The following SMG1 variants were observed in gnomAD, a reference collection of about 807,000 sequenced individuals.
SMG1 encodes the protein SMG1 nonsense mediated mRNA decay associated PI3K related kinase, also known as serine/threonine-protein kinase SMG1.
Under a neutral mutation model 419.9 loss-of-function variants are expected in SMG1, and 22 were observed. That is an observed-to-expected ratio of 0.05 (90% CI 0.04 to 0.07). The LOEUF (loss-of-function observed/expected upper bound fraction) is 0.07, where lower values mean the gene tolerates loss of function less well. Among genes scored for constraint, SMG1 ranks in the 10% least tolerant of loss-of-function variants. The pLI, the probability that SMG1 is intolerant of heterozygous loss-of-function variation, is 1.00. For missense variants in SMG1, 3,185 were observed against 4,342.0 expected, an observed-to-expected ratio of 0.73 and a Z score of 7.49; for synonymous variants, 1,538 against 1,553.5, an observed-to-expected ratio of 0.99 and a Z score of 0.23.
intron 54 of SMG1, 121 bp downstream of exon 54, chr16:18,829,165 T>G (rs895867902): frequency 2.7e-6 from 2 of 749,518 alleles, no homozygotes; most frequent in Non-Finnish European, 4.2e-6. Context: ...TGTGTTTGCA[T>G]TGGGTTGCTG....
At chr16:18,889,612 A>C (rs1166304179) in intron 5 of SMG1, 27 bp from the exon 6 acceptor site, 2 of 529,846 alleles carry the variant, frequency 3.8e-6, no homozygotes, top group South Asian at 2.0e-5. Flanking sequence ...GCAAACAAAA[A>C]ACACACACAA....
In SMG1 at chr16:18,853,769, G is replaced by C. The variant is rs755899652; in HGVS notation, c.4582C>G (p.Leu1528Val). 4 of 1,613,794 alleles carry C rather than the reference G, an allele frequency of 2.5e-6. No individual in the cohort carries two copies. The highest frequency in any genetic ancestry group is 2.7e-5 in the African/African-American group (2 of 74,930). The change falls in exon 31 of 63, where the codon CTG (leucine) becomes GTG (valine). Residue 1528 changes from leucine to valine, a missense_variant. Around this residue, in one of 27 missense-constraint regions of SMG1, gnomAD observed 493 missense variants for 552.9 expected, o/e 0.89. Transcript: ENST00000446231. ...CATTCTGCCTGGATCCATTTAGCCAGTGTCAGAATTGATTTAGCAACTGCA... is the reference window on the plus strand; with the variant it reads ...CATTCTGCCTGGATCCATTTAGCCACTGTCAGAATTGATTTAGCAACTGCA... Reference protein sequence around the residue: ...EYAVAKSILTLAKWIQAEWKE... With the variant: ...EYAVAKSILTVAKWIQAEWKE...
intron 41 of SMG1, 150 bp downstream of exon 41, chr16:18,841,415 A>C (rs868380890): frequency 1.5e-6 from 1 of 667,340 alleles, no homozygotes; most frequent in African/African-American, 1.8e-5. Flanking sequence ...AAAAAAAAAA[A>C]AAAGTACCTC....
intron 1 of SMG1, among the ~76,000 whole-genome samples, chr16:18,912,525 TG>T (rs895253296): frequency 1.3e-5 from 2 of 151,980 alleles, no homozygotes; most frequent in Non-Finnish European, 2.9e-5. Context: ...AGAACAATAA[TG>T]ATTAATTTTT....
In SMG1 at chr16:18,807,805, G is replaced by A; in HGVS notation, c.*1764C>T. ...CACAGAGTCTAGCTCTGTTGCCCAG[G>A]CTGGAGTGCAGTGGCACAATCTCGG... On this transcript the variant is annotated 3_prime_UTR_variant, in exon 63 of 63. Transcript: ENST00000446231. 1 of 152,222 alleles carries A rather than the reference G, an allele frequency of 6.6e-6. No homozygotes were observed. Among genetic ancestry groups the A allele is most frequent in the Non-Finnish European group, 1.5e-5 (1 of 68,028 alleles). The allele number at this position is 152,222 out of a possible 1,614,324, so 9.4% of individuals were successfully genotyped here.
At chr16:18,854,082 C>CTTTTTTTTT (rs11448105) in intron 30 of SMG1, among the ~76,000 whole-genome samples, 2 of 84,012 alleles carry the variant, frequency 2.4e-5, no homozygotes, top group Non-Finnish European at 4.3e-5. Flanking sequence ...AAATACTAAA[C>CTTTTTTTTT]TTTTTTTTTT....
intron 3 of SMG1, among the ~76,000 whole-genome samples, chr16:18,894,129 G>A (rs2037010158): frequency 6.6e-6 from 1 of 151,982 alleles, no homozygotes; most frequent in African/African-American, 2.4e-5. Flanking sequence ...TCCTTTTGGA[G>A]GGTAGGGGGT....
intron 36 of SMG1, among the ~76,000 whole-genome samples, chr16:18,848,839 G>A (rs1325033481): frequency 4.6e-5 from 7 of 151,844 alleles, no homozygotes; most frequent in East Asian, 2.0e-4. Flanking sequence ...TTGGGAGGCC[G>A]AGGCAAGTGG....
chr16:18,857,759 G>T (rs2967202), intron 29 of SMG1: 60,379 of 152,980 alleles, frequency 0.39, 12,314 homozygotes, highest in Non-Finnish European at 0.46. Flanking sequence ...AAATAAACTG[G>T]GGTATATACA....
chr16:18,887,748 C>G (rs1483499352), intron 6 of SMG1, among the ~76,000 whole-genome samples: 1 of 31,500 alleles, frequency 3.2e-5, no homozygotes, highest in African/African-American at 1.4e-4. Flanking sequence ...CAAAATAAAG[C>G]ATATCAAAAA....
intron 48 of SMG1, 67 bp downstream of exon 48, chr16:18,835,866 T>C (rs925888100): frequency 1.4e-6 from 2 of 1,465,908 alleles, no homozygotes; most frequent in Admixed American, 4.1e-5. Flanking sequence ...GCCACCACAC[T>C]CCAGCCTGGG....
chr16:18,891,170 T>C (rs566158750), intron 4 of SMG1, among the ~76,000 whole-genome samples: 1 of 152,356 alleles, frequency 6.6e-6, no homozygotes, highest in African/African-American at 2.4e-5. Flanking sequence ...AAGCTTGTTT[T>C]ATTTACTTTG....
At chr16:18,829,207 G>A (rs1457769475) in intron 54 of SMG1, 79 bp downstream of exon 54, 2 of 1,243,138 alleles carry the variant, frequency 1.6e-6, no homozygotes, top group East Asian at 2.5e-5. Flanking sequence ...AAATTTCTGT[G>A]TATTGTTTTA....
At chr16:18,837,876 A>G (rs1190859523) in intron 45 of SMG1, 138 bp downstream of exon 45, 2 of 805,468 alleles carry the variant, frequency 2.5e-6, no homozygotes, top group Non-Finnish European at 3.9e-6. Flanking sequence ...TCAAACTGCC[A>G]TATTTAACTG....
At chr16:18,864,241 G>C in intron 23 of SMG1, 97 bp from the exon 24 acceptor site, 1 of 1,121,042 alleles carries the variant, frequency 8.9e-7, no homozygotes, top group South Asian at 1.8e-5. Context: ...TCTTGCCCAG[G>C]CTGGAGTGCA....
intron 61 of SMG1, 38 bp downstream of exon 61, chr16:18,811,910 A>ATATAAAAATT: frequency 6.2e-7 from 1 of 1,612,578 alleles, no homozygotes; most frequent in Non-Finnish European, 8.5e-7. Flanking sequence ...CCGTCATTTT[A>ATATAAAAATT]TATAAAAATT....
Position 18,838,541 on chromosome 16 carries a change from T to G in SMG1, c.7084+10A>C, listed in dbSNP as rs765638697. The G allele has an allele frequency of 1.9e-6, 3 of 1,613,906 alleles. No individual in the cohort carries two copies. The highest frequency in any genetic ancestry group is 4.5e-5 in the East Asian group (2 of 44,880). ...GGCCCTCATAAATGTAAAGTCTACT[T>G]TTATATTACCTTTTTCAAAGCAAAC... is the stretch of plus-strand genomic sequence containing the variant. On this transcript the variant is annotated intron_variant, in intron 43 of 62. Transcript: ENST00000446231.
intron 24 of SMG1, 38 bp from the exon 25 acceptor site, chr16:18,863,889 G>A (rs761529241): frequency 1.3e-6 from 2 of 1,591,268 alleles, no homozygotes. Context: ...GAGAGATTCA[G>A]ATCAGTTAGA....
At chr16:18,873,600 T>G (rs2035942920) in intron 13 of SMG1, among the ~76,000 whole-genome samples, 1 of 152,336 alleles carries the variant, frequency 6.6e-6, no homozygotes, top group African/African-American at 2.4e-5. Context: ...CAGTGAATTA[T>G]ACATTTAAAA....
Sources: allele counts gnomAD v4.1 joint callset (sites outside exome capture counted in the v4.1 genomes callset), GRCh38; gene constraint gnomAD v4.1.1; regional missense constraint gnomAD v4.1.1; transcripts MANE v1.5; gene names NCBI Gene and HGNC (gene_info 2026-07-23, HGNC 2026-07-21).